The following ZEB1 variants were observed in gnomAD, a reference collection of about 807,000 sequenced individuals.
ZEB1 encodes the protein zinc finger E-box-binding homeobox 1.
In ZEB1, 21 loss-of-function variants were observed where a neutral mutation model predicts 84.9. That is an observed-to-expected ratio of 0.25 (90% CI 0.18 to 0.36). The LOEUF (loss-of-function observed/expected upper bound fraction) is 0.36. Among genes scored for constraint, ZEB1 ranks in the 10% least tolerant of loss-of-function variants. The pLI is 1.00. For synonymous variants in ZEB1, 420 were observed against 471.1 expected (o/e 0.89, Z 1.41); for missense variants, 1,104 against 1,330.2 (o/e 0.83, Z 2.65).
chr10:31,475,912 T>C (rs1237227426), intron 2 of ZEB1, among the ~76,000 whole-genome samples: 1 of 151,914 alleles, frequency 6.6e-6, no homozygotes. Context: ...AACAAAACTA[T>C]GATGGGAAAA....
intron 2 of ZEB1, among the ~76,000 whole-genome samples, chr10:31,485,876 C>T (rs1193255429): frequency 1.3e-5 from 2 of 151,790 alleles, no homozygotes; most frequent in African/African-American, 4.8e-5. Context: ...TCGTGCTACC[C>T]GTTTTTAGTC....
intron 4 of ZEB1, among the ~76,000 whole-genome samples, chr10:31,504,049 C>T (rs1247531823): frequency 1.4e-5 from 2 of 138,672 alleles, no homozygotes; most frequent in Admixed American, 6.8e-5. Context: ...CCCAAATGTC[C>T]TGAGTGTTTT....
At chr10:31,369,720 A>C (rs2045346923) in intron 1 of ZEB1, among the ~76,000 whole-genome samples, 1 of 152,340 alleles carries the variant, frequency 6.6e-6, no homozygotes, top group South Asian at 2.1e-4. Flanking sequence ...TATAACCAGA[A>C]GTGGGATCAC....
intron 1 of ZEB1, among the ~76,000 whole-genome samples, chr10:31,425,826 C>A (rs1185768063): frequency 1.3e-5 from 2 of 151,982 alleles, no homozygotes; most frequent in African/African-American, 4.8e-5. Flanking sequence ...TTTTCTAGAC[C>A]TGACTTCATT....
At chr10:31,391,052 A>G (rs2049581427) in intron 1 of ZEB1, among the ~76,000 whole-genome samples, 1 of 152,108 alleles carries the variant, frequency 6.6e-6, no homozygotes, top group African/African-American at 2.4e-5. Context: ...ACAGGCTTAC[A>G]TTATTATTTA....
intron 1 of ZEB1, among the ~76,000 whole-genome samples, chr10:31,339,357 A>T (rs2038893903): frequency 6.6e-6 from 1 of 152,212 alleles, no homozygotes; most frequent in South Asian, 2.1e-4. Context: ...ACTTTTAGAG[A>T]ATCTTCTGAG....
chr10:31,324,039 A>G (rs2034850090), intron 1 of ZEB1, among the ~76,000 whole-genome samples: 2 of 151,364 alleles, frequency 1.3e-5, no homozygotes, highest in Non-Finnish European at 1.5e-5. Flanking sequence ...TGAATTTAGT[A>G]TTCTAATTCC....
At position 31,527,222 on chromosome 10, in the gene ZEB1, G is replaced by C. The variant is rs759693175; in HGVS notation, c.3336G>C (p.Glu1112Asp). The C allele has an allele frequency of 6.2e-7, 1 of 1,610,610 alleles. No individual in the cohort carries two copies. Among genetic ancestry groups the C allele is most frequent in the Non-Finnish European group, 8.5e-7 (1 of 1,178,734 alleles). The change falls in exon 9 of 9, where the codon GAG (glutamate) becomes GAC (aspartate). Residue 1112 changes from glutamate (E) to aspartate (D), a missense_variant. Physicochemically the swap from Glu to Asp is conservative, Grantham distance 45. Coordinates refer to ENST00000424869, the MANE Select transcript of ZEB1 (RefSeq NM_001174096.2). ...QASSLGQKVGESSEQVSEEKT... is the reference protein window; with the variant it reads ...QASSLGQKVGDSSEQVSEEKT... ...GCAGCTTAGGACAAAAAGTAGGCGAGAGTAGTGAGCAAGTGTCTGAAGAAA... is the reference window on the plus strand; with the variant it reads ...GCAGCTTAGGACAAAAAGTAGGCGACAGTAGTGAGCAAGTGTCTGAAGAAA...
intron 5 of ZEB1, among the ~76,000 whole-genome samples, chr10:31,512,547 T>C (rs1010674681): frequency 1.3e-5 from 2 of 152,128 alleles, no homozygotes; most frequent in African/African-American, 4.8e-5. Flanking sequence ...CCCTTGAGAA[T>C]CATACTGTGA....
At chr10:31,471,208 T>G (rs1275686117) in intron 2 of ZEB1, among the ~76,000 whole-genome samples, 3 of 117,944 alleles carry the variant, frequency 2.5e-5, no homozygotes, top group African/African-American at 1.0e-4. Context: ...AATTCACACA[T>G]AACAATATTA....
intron 1 of ZEB1, among the ~76,000 whole-genome samples, chr10:31,454,120 A>G (rs2137161485): frequency 6.6e-6 from 1 of 152,342 alleles, no homozygotes; most frequent in South Asian, 2.1e-4. Flanking sequence ...CAAATCAACA[A>G]ACGTAATCCA....
intron 1 of ZEB1, among the ~76,000 whole-genome samples, chr10:31,436,836 A>G (rs1445920266): frequency 1.3e-5 from 2 of 152,094 alleles, no homozygotes; most frequent in African/African-American, 4.8e-5. Flanking sequence ...TAAATTTTCT[A>G]TTTGTTTGTG....
chr10:31,363,353 A>G, intron 1 of ZEB1: 1 of 1,534,272 alleles, frequency 6.5e-7, no homozygotes, highest in Non-Finnish European at 8.7e-7. Context: ...CCCTTGGAGT[A>G]GAAACTCACT....
In ZEB1 at chr10:31,521,829, A is replaced by G; in HGVS notation, c.2497A>G (p.Asn833Asp). 3.1e-6 allele frequency: 5 copies of G among 1,613,758 alleles called. No homozygotes were observed. Among genetic ancestry groups the G allele is most frequent in the Non-Finnish European group, 4.2e-6 (5 of 1,179,800 alleles). The change falls in exon 7 of 9, where the codon AAT (asparagine) becomes GAT (aspartate). Residue 833 changes from asparagine to aspartate, a missense_variant. Around this residue, in one of 7 missense-constraint regions of ZEB1, gnomAD observed 531 missense variants for 575.2 expected, o/e 0.92. Transcript: ENST00000424869. The part of the protein sequence containing the change: ...SVPCLRALAA[N>D]KQTILIPQVA... ...TCCATGCTTAAGAGCGCTAGCTGCC[A>G]ATAAGCAAACGATTCTGATTCCCCA...
intron 2 of ZEB1, among the ~76,000 whole-genome samples, chr10:31,464,776 G>A (rs2062198272): frequency 6.6e-6 from 1 of 152,114 alleles, no homozygotes; most frequent in African/African-American, 2.4e-5. Context: ...ACTATACCCA[G>A]CAAAGTTATA....
At chr10:31,445,490 T>C (rs899311940) in intron 1 of ZEB1, among the ~76,000 whole-genome samples, 3 of 149,226 alleles carry the variant, frequency 2.0e-5, no homozygotes, top group Non-Finnish European at 4.5e-5. Flanking sequence ...CCCTGTCTTG[T>C]GCCAGTTTTC....
At chr10:31,405,801 C>T (rs1454846521) in intron 1 of ZEB1, among the ~76,000 whole-genome samples, 4 of 151,906 alleles carry the variant, frequency 2.6e-5, no homozygotes, top group Non-Finnish European at 5.9e-5. Context: ...CCCATCAACC[C>T]GTCATCTACA....
intron 7 of ZEB1, 123 bp from the exon 8 acceptor site, chr10:31,523,810 T>TCAA: frequency 8.7e-7 from 1 of 1,143,606 alleles, no homozygotes; most frequent in Non-Finnish European, 1.3e-6. Context: ...GTGCTTGCTT[T>TCAA]GGTCAAGTCC....
intron 1 of ZEB1, among the ~76,000 whole-genome samples, chr10:31,443,908 A>C (rs1263012011): frequency 1.3e-5 from 2 of 150,972 alleles, no homozygotes; most frequent in Non-Finnish European, 3.0e-5. Flanking sequence ...CATGATTTAT[A>C]GTCCTTTGGG....
Sources: allele counts gnomAD v4.1 joint callset (sites outside exome capture counted in the v4.1 genomes callset), GRCh38; gene constraint gnomAD v4.1.1; regional missense constraint gnomAD v4.1.1; transcripts MANE v1.5; gene names NCBI Gene and HGNC (gene_info 2026-07-23, HGNC 2026-07-21).